The following CFAP47 variants were observed in gnomAD, a reference collection of about 807,000 sequenced individuals.
The protein encoded by CFAP47 is cilia- and flagella-associated protein 47.
In CFAP47, 29 loss-of-function variants were observed where a neutral mutation model predicts 148.1. That is an observed-to-expected ratio of 0.20 (90% CI 0.15 to 0.27). The LOEUF (loss-of-function observed/expected upper bound fraction) is 0.27. Ranked by LOEUF, CFAP47 falls within the 10% of genes least tolerant of loss-of-function variation. CFAP47 has a pLI of 1.00. For missense variants in CFAP47, 1,872 were observed against 1,697.5 expected (o/e 1.10, Z -1.81); for synonymous variants, 664 against 577.3 (o/e 1.15, Z -2.15).
chrX:35,924,357 A>T (rs1389371174), intron 1 of CFAP47, among the ~76,000 whole-genome samples: 1 of 106,520 alleles, frequency 9.4e-6, no homozygotes, highest in African/African-American at 3.6e-5. Context: ...GCATATGTGT[A>T]TATATGTATA....
chrX:36,123,178 T>G, intron 33 of CFAP47, among the ~76,000 whole-genome samples: 1 of 112,392 alleles, frequency 8.9e-6, no homozygotes, highest in South Asian at 3.7e-4. Flanking sequence ...TTTTCTGAGA[T>G]ACCTGAAGCT....
intron 37 of CFAP47, among the ~76,000 whole-genome samples, chrX:36,158,675 T>G (rs770324110): frequency 2.6e-4 from 29 of 111,499 alleles, no homozygotes; most frequent in Non-Finnish European, 4.9e-4. Flanking sequence ...TCAGGGGAGA[T>G]TAGGGAGGCA....
At chrX:36,059,825 C>T (rs986410757) in intron 26 of CFAP47, among the ~76,000 whole-genome samples, 3 of 111,452 alleles carry the variant, frequency 2.7e-5, no homozygotes, top group African/African-American at 9.8e-5. Flanking sequence ...GGGCCTAATG[C>T]GAATTGTTTA....
chrX:36,039,622 A>G (rs1937379841), intron 25 of CFAP47, among the ~76,000 whole-genome samples: 1 of 112,150 alleles, frequency 8.9e-6, no homozygotes, highest in Admixed American at 9.5e-5. Flanking sequence ...TGTTGGCTGC[A>G]GTGGCACTTT....
intron 57 of CFAP47, among the ~76,000 whole-genome samples, chrX:36,331,351 G>T (rs1302234213): frequency 9.1e-6 from 1 of 110,144 alleles, no homozygotes; most frequent in African/African-American, 3.3e-5. Context: ...CTTGATTGTG[G>T]ACTCACTCCT....
At chrX:36,227,619 G>A (rs2064959108) in intron 45 of CFAP47, among the ~76,000 whole-genome samples, 1 of 111,829 alleles carries the variant, frequency 8.9e-6, no homozygotes, top group South Asian at 3.7e-4. Flanking sequence ...CATTTGAAGT[G>A]TTCACTTTGG....
At chrX:36,310,102 T>C (rs1287382645) in intron 55 of CFAP47, among the ~76,000 whole-genome samples, 2 of 101,480 alleles carry the variant, frequency 2.0e-5, no homozygotes, top group African/African-American at 7.3e-5. Flanking sequence ...TTGTGATCCC[T>C]TTATTCATCT....
chrX:36,058,514 T>G lies in CFAP47; in HGVS notation c.4218-7129T>G, dbSNP rs1008591959. Among the ~76,000 whole-genome samples, 7 of 111,664 alleles carry G rather than the reference T, an allele frequency of 6.3e-5. No individual in the cohort carries two copies. In the South Asian group the frequency reaches 2.6e-3, roughly 42 times the overall value. On this transcript the variant is annotated intron_variant, in intron 26 of 63. Coordinates refer to ENST00000378653, the MANE Select transcript of CFAP47 (RefSeq NM_001304548.2). The stretch of plus-strand genomic sequence containing the variant: ...TGTTACTAATAATGCAGTTATATTT[T>G]GGATGGATTTTACTGACCTCTCATT...
chrX:36,067,734 C>A (rs1852977030), intron 27 of CFAP47, among the ~76,000 whole-genome samples: 1 of 105,081 alleles, frequency 9.5e-6, no homozygotes, highest in Non-Finnish European at 1.9e-5. Flanking sequence ...ATGATCTTGG[C>A]TCACTGCAAG....
At chrX:36,299,735 C>A (rs1941279819) in intron 52 of CFAP47, among the ~76,000 whole-genome samples, 1 of 111,468 alleles carries the variant, frequency 9.0e-6, no homozygotes, top group Admixed American at 9.6e-5. Context: ...TTTAAAAATT[C>A]TGCATATAAG....
At chrX:36,269,098 A>G (rs1556001482) in intron 49 of CFAP47, among the ~76,000 whole-genome samples, 1 of 112,067 alleles carries the variant, frequency 8.9e-6, no homozygotes, top group African/African-American at 3.2e-5. Context: ...TTTTGTGAAA[A>G]GTGATCTCCC....
intron 45 of CFAP47, among the ~76,000 whole-genome samples, 172 bp downstream of exon 45, chrX:36,205,282 T>C (rs1555988690): frequency 8.9e-6 from 1 of 112,349 alleles, no homozygotes; most frequent in East Asian, 2.8e-4. Flanking sequence ...GCATTACATA[T>C]AATCAACATA....
At chrX:36,125,484 C>CA (rs375782225) in intron 33 of CFAP47, among the ~76,000 whole-genome samples, 27 of 111,133 alleles carry the variant, frequency 2.4e-4, no homozygotes, top group African/African-American at 8.1e-4. Flanking sequence ...TATTGAACTA[C>CA]AAAAAATCAA....
chrX:36,376,939 ACAAAGG>A (rs1175997134), intron 62 of CFAP47, among the ~76,000 whole-genome samples: 1 of 110,170 alleles, frequency 9.1e-6, no homozygotes, highest in Non-Finnish European at 1.9e-5. Flanking sequence ...CCGTGTCCCT[ACAAAGG>A]ACATGAACTC....
intron 63 of CFAP47, among the ~76,000 whole-genome samples, chrX:36,381,957 C>G (rs958547773): frequency 1.8e-5 from 2 of 110,239 alleles, no homozygotes; most frequent in Admixed American, 9.7e-5. Flanking sequence ...AGAGACATAA[C>G]CAGACATTGA....
chrX:36,275,695 G>C (rs1436549019), intron 49 of CFAP47, among the ~76,000 whole-genome samples: 3 of 110,789 alleles, frequency 2.7e-5, no homozygotes, highest in African/African-American at 9.9e-5. Flanking sequence ...TCAGGGCAAT[G>C]CTACCCTTCT....
chrX:36,192,836 A>G (rs997881407), intron 42 of CFAP47, among the ~76,000 whole-genome samples: 2 of 111,889 alleles, frequency 1.8e-5, no homozygotes, highest in African/African-American at 6.5e-5. Context: ...ATCCCAGAAT[A>G]ACTTATGTGA....
chrX:36,113,512 C>A lies in CFAP47; in HGVS notation c.5320+8821C>A, dbSNP rs758195420. Among the ~76,000 whole-genome samples, 3 of 111,238 alleles carry A rather than the reference C, an allele frequency of 2.7e-5. No individual in the cohort carries two copies. The East Asian group carries it at 8.5e-4, about 32-fold the overall frequency. On this transcript the variant is annotated intron_variant, in intron 33 of 63. Transcript: ENST00000378653. ...TGACCTGACCTTTCTCACTAGCTGCCTTTAACAATTTTTCTTTCATTTTGA... is the reference window on the plus strand; with the variant it reads ...TGACCTGACCTTTCTCACTAGCTGCATTTAACAATTTTTCTTTCATTTTGA...
Position 36,236,696 on chromosome X carries a change from T to C in CFAP47, c.7169T>C (p.Ile2390Thr). Reference protein sequence around the residue: ...IFECVITGKLILQNEVDGREH... With the variant: ...IFECVITGKLTLQNEVDGREH... ...TCTGGTTTCTCATAGGGTAAACTTA[T>C]TCTACAAAATGAAGTAGATGGTAGG... Residue 2390 changes from isoleucine (I) to threonine (T), a missense_variant, in exon 48 of 64, where the codon ATT (isoleucine) becomes ACT (threonine). By Grantham distance (89) the Ile-to-Thr change is moderately conservative. Coordinates refer to ENST00000378653, the MANE Select transcript of CFAP47 (RefSeq NM_001304548.2). The C allele has an allele frequency of 1.9e-6, 1 of 524,622 alleles. No individual in the cohort carries two copies. The highest frequency in any genetic ancestry group is 3.5e-6 in the Non-Finnish European group (1 of 286,572). The allele number at this position is 524,622 out of a possible 1,213,427, so 43.2% of individuals were successfully genotyped here.
Sources: gnomAD v4.1 joint callset for allele counts (sites outside exome capture counted in the v4.1 genomes callset) on GRCh38, gnomAD v4.1.1 for gene constraint, MANE v1.5 for transcripts, NCBI Gene and HGNC (gene_info 2026-07-23, HGNC 2026-07-21) for gene names.